The following CNTNAP2 variants were observed in gnomAD, a reference collection of about 807,000 sequenced individuals.
CNTNAP2 encodes contactin associated protein 2.
CNTNAP2 carries 98 observed loss-of-function variants against 155.2 expected under a neutral mutation model. The observed-to-expected ratio is 0.63, with a 90% CI of 0.54 to 0.75. CNTNAP2 has a LOEUF of 0.75. Ranked by LOEUF, CNTNAP2 falls within the 30% of genes least tolerant of loss-of-function variation. The probability of loss-of-function intolerance (pLI) is 0.00; values close to 1 mark genes in which losing one functional copy is unlikely to be tolerated. For synonymous variants in CNTNAP2, 651 were observed against 631.2 expected (o/e 1.03, Z -0.47); for missense variants, 1,727 against 1,688.1 (o/e 1.02, Z -0.40).
At chr7:146,262,798 G>A (rs1026577929) in intron 1 of CNTNAP2, among the ~76,000 whole-genome samples, 1 of 152,118 alleles carries the variant, frequency 6.6e-6, no homozygotes, top group Admixed American at 6.6e-5. Flanking sequence ...TAAAAAATAT[G>A]ATTTTACATT....
intron 1 of CNTNAP2, among the ~76,000 whole-genome samples, chr7:146,653,686 T>C (rs558433571): frequency 1.1e-4 from 17 of 152,342 alleles, no homozygotes; most frequent in Admixed American, 7.2e-4. Context: ...AGTACCCTTG[T>C]ATCATCATGA....
intron 1 of CNTNAP2, among the ~76,000 whole-genome samples, chr7:146,411,684 C>CA (rs1480643160): frequency 6.6e-6 from 1 of 150,928 alleles, no homozygotes; most frequent in Admixed American, 6.6e-5. Flanking sequence ...TGTAGATTCA[C>CA]AACCATTAGA....
At chr7:147,465,643 C>T (rs988985252) in intron 10 of CNTNAP2, among the ~76,000 whole-genome samples, 27 of 152,148 alleles carry the variant, frequency 1.8e-4, no homozygotes, top group African/African-American at 7.2e-5. Flanking sequence ...TTCTTTTTCC[C>T]GTATCATTTA....
At chr7:146,932,261 G>T (rs1368786921) in intron 3 of CNTNAP2, among the ~76,000 whole-genome samples, 1 of 152,128 alleles carries the variant, frequency 6.6e-6, no homozygotes, top group Non-Finnish European at 1.5e-5. Context: ...CTTCATCCCT[G>T]GGATGCAAGG....
intron 8 of CNTNAP2, among the ~76,000 whole-genome samples, chr7:147,205,201 G>A (rs1022620365): frequency 9.2e-5 from 14 of 151,974 alleles, no homozygotes; most frequent in African/African-American, 2.2e-4. Context: ...AGTGTACATC[G>A]TATTCAATAT....
chr7:146,563,450 G>A (rs1798311458), intron 1 of CNTNAP2, among the ~76,000 whole-genome samples: 1 of 152,042 alleles, frequency 6.6e-6, no homozygotes, highest in Non-Finnish European at 1.5e-5. Flanking sequence ...TCAGACCCCA[G>A]AGACAAAACA....
chr7:147,246,742 T>C (rs1804079038), intron 8 of CNTNAP2, among the ~76,000 whole-genome samples: 1 of 152,098 alleles, frequency 6.6e-6, no homozygotes, highest in African/African-American at 2.4e-5. Flanking sequence ...TAAATGTAAA[T>C]CTCATCCTAA....
chr7:146,516,819 A>G (rs962763101), intron 1 of CNTNAP2, among the ~76,000 whole-genome samples: 3 of 151,802 alleles, frequency 2.0e-5, no homozygotes, highest in Non-Finnish European at 4.4e-5. Flanking sequence ...ACAGTATTTT[A>G]TTGGCTATAA....
chr7:146,122,320 ACT>A (rs1281677050), intron 1 of CNTNAP2, among the ~76,000 whole-genome samples: 2 of 152,062 alleles, frequency 1.3e-5, no homozygotes, highest in Admixed American at 6.6e-5. Context: ...ATGGCTTGAG[ACT>A]CTGTTTAATT....
At chr7:146,675,383 A>G (rs969348629) in intron 1 of CNTNAP2, among the ~76,000 whole-genome samples, 1 of 152,210 alleles carries the variant, frequency 6.6e-6, no homozygotes, top group Non-Finnish European at 1.5e-5. Flanking sequence ...CTGACTTAAC[A>G]TTTAGGAGCA....
chr7:148,373,134 G>C (rs992932563), intron 21 of CNTNAP2, among the ~76,000 whole-genome samples: 1 of 152,024 alleles, frequency 6.6e-6, no homozygotes, highest in Non-Finnish European at 1.5e-5. Flanking sequence ...TGAGGCTGTT[G>C]TACAATTACC....
At chr7:146,960,977 A>G in intron 3 of CNTNAP2, among the ~76,000 whole-genome samples, 1 of 152,102 alleles carries the variant, frequency 6.6e-6, no homozygotes, top group East Asian at 1.9e-4. Context: ...CTCCTTTTCT[A>G]AGTGGGCAGC....
Position 147,108,189 on chromosome 7 carries a change from A to T in CNTNAP2, c.593A>T (p.Tyr198Phe). 2.5e-6 allele frequency: 4 copies of T among 1,613,654 alleles called. No individual in the cohort carries two copies. Among genetic ancestry groups the T allele is most frequent in the Non-Finnish European group, 3.4e-6 (4 of 1,179,784 alleles). ...TTTGATGGCCATGTTGTATTACCAT[A>T]TAGATTCAGAAACAAGAAGATGAAA... ...INFDGHVVLP[Y>F]RFRNKKMKTL... The change falls in exon 5 of 24, where the codon TAT becomes TTT. Residue 198 changes from tyrosine (Y) to phenylalanine (F), a missense_variant. Coordinates refer to ENST00000361727, the MANE Select transcript of CNTNAP2 (RefSeq NM_014141.6).
intron 21 of CNTNAP2, among the ~76,000 whole-genome samples, chr7:148,333,040 T>C (rs989117801): frequency 2.0e-5 from 3 of 152,016 alleles, no homozygotes; most frequent in Non-Finnish European, 4.4e-5. Context: ...AGTGGACTCC[T>C]CCCCTGCCAC....
chr7:147,395,167 A>C (rs1431547958), intron 9 of CNTNAP2, among the ~76,000 whole-genome samples: 1 of 152,024 alleles, frequency 6.6e-6, no homozygotes, highest in Non-Finnish European at 1.5e-5. Flanking sequence ...ATAACAGGCA[A>C]TAGGGAATTA....
chr7:146,351,006 G>T (rs377151265), intron 1 of CNTNAP2, among the ~76,000 whole-genome samples: 2 of 128,816 alleles, frequency 1.6e-5, no homozygotes, highest in East Asian at 2.5e-4. Flanking sequence ...AGGAAGGGGA[G>T]CATCACACTC....
intron 13 of CNTNAP2, among the ~76,000 whole-genome samples, chr7:147,785,111 C>G (rs570819153): frequency 6.6e-6 from 1 of 152,200 alleles, no homozygotes; most frequent in Non-Finnish European, 1.5e-5. Context: ...CCATCTGGAG[C>G]TCAAGAGGAG....
At chr7:147,025,417 AAGGGGGAGGGG>A (rs1425419419) in intron 3 of CNTNAP2, among the ~76,000 whole-genome samples, 1 of 5,742 alleles carries the variant, frequency 1.7e-4, no homozygotes, top group Non-Finnish European at 2.8e-4. Context: ...GGGGGAGGGG[AAGGGGGAGGGG>A]AGGGGGAGGG....
intron 1 of CNTNAP2, among the ~76,000 whole-genome samples, chr7:146,721,892 T>A (rs868822887): frequency 0.029 from 2,622 of 91,776 alleles, 257 homozygotes; most frequent in East Asian, 0.037. Flanking sequence ...TATATATATT[T>A]TTTTTTTTTT....
Sources: gnomAD v4.1 joint callset for allele counts (sites outside exome capture counted in the v4.1 genomes callset) on GRCh38, gnomAD v4.1.1 for gene constraint, MANE v1.5 for transcripts, NCBI Gene and HGNC (gene_info 2026-07-23, HGNC 2026-07-21) for gene names.